The following USP3 variants were observed in gnomAD, a reference collection of about 807,000 sequenced individuals.
USP3 encodes ubiquitin carboxyl-terminal hydrolase 3.
In USP3, 20 loss-of-function variants were observed where a neutral mutation model predicts 72.3. That is an observed-to-expected ratio of 0.28 (90% CI 0.19 to 0.40). USP3 has a LOEUF of 0.40. Ranked by LOEUF, USP3 falls within the 10% of genes least tolerant of loss-of-function variation. USP3 has a pLI of 1.00. For synonymous variants in USP3, 222 were observed against 225.3 expected (o/e 0.99, Z 0.13); for missense variants, 479 against 633.9 (o/e 0.76, Z 2.62).
At position 63,529,206 on chromosome 15, in the gene USP3, A is replaced by G. The variant is rs1203334603; in HGVS notation, c.92-3441A>G. On this transcript the variant is annotated intron_variant, in intron 1 of 14. Coordinates refer to ENST00000380324, the MANE Select transcript of USP3 (RefSeq NM_006537.4). This position sits in a 1 kb window ranked among gnomAD's most constrained non-coding sequence, Gnocchi z 4.2. The stretch of plus-strand genomic sequence containing the variant: ...TTTTTTTTTTTCTTTTTTTTGAGAT[A>G]TATTAAAAGGCACAGTCCATAGTCA... 3 of 478,636 alleles carry G rather than the reference A, an allele frequency of 6.3e-6. No homozygotes were observed. Among genetic ancestry groups the G allele is most frequent in the Non-Finnish European group, 1.1e-5 (3 of 263,682 alleles). 29.6% of individuals were successfully genotyped at this position (478,636 alleles called of 1,614,324 possible).
rs1190145594 is a variant in USP3 at position 63,544,115 on chromosome 15, A to T, written c.284+6959A>T. 6.6e-6 allele frequency: 1 copy of T among 150,802 alleles called. No individual in the cohort carries two copies. Among genetic ancestry groups the T allele is most frequent in the Non-Finnish European group, 1.5e-5 (1 of 67,774 alleles). 9.3% of individuals were successfully genotyped at this position (150,802 alleles called of 1,614,324 possible). On this transcript the variant is annotated intron_variant, in intron 3 of 14. Coordinates refer to ENST00000380324, the MANE Select transcript of USP3 (RefSeq NM_006537.4). The surrounding 1 kb of genome is among the most constrained non-coding windows in gnomAD (Gnocchi z 4.2). ...TTGTGAATAGCAAGACATTTAATAT[A>T]GTTTATTTCATCTCTAGCTCATTCT...
intron 3 of USP3, among the ~76,000 whole-genome samples, chr15:63,551,081 G>A (rs2066429915): frequency 6.6e-6 from 1 of 152,120 alleles, no homozygotes; most frequent in African/African-American, 2.4e-5. Flanking sequence ...GAATGTTTTT[G>A]TTTTACATTT....
chr15:63,537,179 T>TG (rs763440842), intron 3 of USP3, 23 bp downstream of exon 3: 98 of 1,606,678 alleles, frequency 6.1e-5, no homozygotes, highest in Non-Finnish European at 7.6e-5. Flanking sequence ...TTTCTGGAAA[T>TG]GAGATTTCTT....
At chr15:63,519,333 CT>C (rs912507436) in intron 1 of USP3, among the ~76,000 whole-genome samples, 149 of 143,456 alleles carry the variant, frequency 1.0e-3, no homozygotes, top group Admixed American at 6.9e-4. Flanking sequence ...TGGCTTTTGG[CT>C]TTTTTTTTTT....
chr15:63,569,756 A>C (rs1462256371), intron 8 of USP3, among the ~76,000 whole-genome samples: 1 of 152,198 alleles, frequency 6.6e-6, no homozygotes, highest in Non-Finnish European at 1.5e-5. Context: ...TAAGAATTTC[A>C]TATAGTTTCC....
chr15:63,572,737 A>G (rs1020917486), intron 9 of USP3, among the ~76,000 whole-genome samples: 4 of 152,222 alleles, frequency 2.6e-5, no homozygotes, highest in East Asian at 1.9e-4. Flanking sequence ...TTATATTGCT[A>G]TTAGCAAAAA....
chr15:63,525,236 T>C (rs1195235683), intron 1 of USP3, among the ~76,000 whole-genome samples: 1 of 152,232 alleles, frequency 6.6e-6, no homozygotes, highest in African/African-American at 2.4e-5. Flanking sequence ...TCTGTGATCT[T>C]GCCCTTGAGT....
At chr15:63,578,613 G>GA (rs527520835) in intron 11 of USP3, among the ~76,000 whole-genome samples, 19,841 of 85,330 alleles carry the variant, frequency 0.23, 1,721 homozygotes, top group Middle Eastern at 0.39. Context: ...CTCCGTCTCA[G>GA]AAAAAAAAAA....
rs755073026 is a variant in USP3 at position 63,574,413 on chromosome 15, C to T, written c.1096+10C>T. ...GTTTGTTCGTTACGAGGTAAAGATA[C>T]TTGAATGTTCTAAAAATTTTTTTCT... On this transcript the variant is annotated intron_variant, in intron 11 of 14. Coordinates refer to ENST00000380324, the MANE Select transcript of USP3 (RefSeq NM_006537.4). This position sits in a 1 kb window ranked among gnomAD's most constrained non-coding sequence, Gnocchi z 4.6. The T allele has an allele frequency of 2.5e-6, 4 of 1,585,904 alleles. No individual in the cohort carries two copies. Among genetic ancestry groups the T allele is most frequent in the Middle Eastern group, 1.7e-4 (1 of 5,942 alleles).
chr15:63,564,468 T>G (rs1567118298), intron 8 of USP3, among the ~76,000 whole-genome samples: 1 of 152,236 alleles, frequency 6.6e-6, no homozygotes, highest in African/African-American at 2.4e-5. Context: ...ACTGTTTTCC[T>G]TGATCCCCAT....
intron 1 of USP3, among the ~76,000 whole-genome samples, chr15:63,509,329 T>C (rs539600531): frequency 6.6e-6 from 1 of 152,202 alleles, no homozygotes; most frequent in Non-Finnish European, 1.5e-5. Flanking sequence ...GAACTATCAC[T>C]TAGATGTGTC....
chr15:63,560,149 G>C (rs1479243649), intron 7 of USP3, among the ~76,000 whole-genome samples, 179 bp downstream of exon 7: 1 of 152,158 alleles, frequency 6.6e-6, no homozygotes, highest in Non-Finnish European at 1.5e-5. Context: ...GCCGGGTGTG[G>C]TGGCTCACGC....
At chr15:63,538,810 G>T (rs537090918) in intron 3 of USP3, among the ~76,000 whole-genome samples, 1 of 151,838 alleles carries the variant, frequency 6.6e-6, no homozygotes, top group African/African-American at 2.4e-5. Flanking sequence ...CCTCCCAAAG[G>T]GTCTTTTACA....
intron 11 of USP3, among the ~76,000 whole-genome samples, chr15:63,576,961 T>C (rs2066874581): frequency 6.6e-6 from 1 of 152,218 alleles, no homozygotes; most frequent in South Asian, 2.1e-4. Context: ...GTATGTCTTC[T>C]ACGTGCTTTG....
At chr15:63,516,107 C>A (rs1206798929) in intron 1 of USP3, among the ~76,000 whole-genome samples, 1 of 152,128 alleles carries the variant, frequency 6.6e-6, no homozygotes, top group Non-Finnish European at 1.5e-5. Flanking sequence ...TCTTGTCCAA[C>A]ATTTTATTTT....
At chr15:63,547,761 G>GGAGAGAGAGA (rs1180675814) in intron 3 of USP3, among the ~76,000 whole-genome samples, 1 of 4,468 alleles carries the variant, frequency 2.2e-4, no homozygotes. Context: ...AGGGAGGGAG[G>GGAGAGAGAGA]GAGAGAGAGA....
rs1334006860 is a variant in USP3, at chr15:63,594,019, A to G, written c.*3193A>G. On this transcript the variant is annotated 3_prime_UTR_variant, in exon 15 of 15. Coordinates refer to ENST00000380324, the MANE Select transcript of USP3 (RefSeq NM_006537.4). Reference sequence around the variant, plus strand: ...CTCAGTGTATAGTGATGACAGATGTACTAGAATTAAACCAGTCAAGTGTAC... The same window carrying G: ...CTCAGTGTATAGTGATGACAGATGTGCTAGAATTAAACCAGTCAAGTGTAC... The G allele has an allele frequency of 1.3e-5, 2 of 152,272 alleles. No individual in the cohort carries two copies. The highest frequency in any genetic ancestry group is 4.8e-5 in the African/African-American group (2 of 41,474). The allele number at this position is 152,272 out of a possible 1,614,324, so 9.4% of individuals were successfully genotyped here.
Position 63,504,842 on chromosome 15 carries a change from C to A in USP3, c.91+12C>A. On this transcript the variant is annotated intron_variant, in intron 1 of 14. Coordinates refer to ENST00000380324, the MANE Select transcript of USP3 (RefSeq NM_006537.4). Reference sequence around the variant, plus strand: ...CTGGTGCTGCAGCGGTGAGTGCGGCCACGGGCCGGCCCCGCAGCGCACCCG... The same window carrying A: ...CTGGTGCTGCAGCGGTGAGTGCGGCAACGGGCCGGCCCCGCAGCGCACCCG... 1 of 1,595,104 alleles carries A rather than the reference C, an allele frequency of 6.3e-7. No homozygotes were observed. The highest frequency in any genetic ancestry group is 8.5e-7 in the Non-Finnish European group (1 of 1,172,770).
At chr15:63,548,338 T>TG (rs202244035) in intron 3 of USP3, among the ~76,000 whole-genome samples, 3,469 of 150,664 alleles carry the variant, frequency 0.023, 133 homozygotes, top group African/African-American at 0.077. Flanking sequence ...TTGTTTTTTT[T>TG]GGGGGGGGAC....
Sources: gnomAD v4.1 joint callset for allele counts (sites outside exome capture counted in the v4.1 genomes callset) on GRCh38, gnomAD v4.1.1 for gene constraint, Gnocchi (gnomAD v3.1) non-coding constraint, MANE v1.5 for transcripts, NCBI Gene and HGNC (gene_info 2026-07-23, HGNC 2026-07-21) for gene names.